Variants in RPS6KC1 observed in about 807,000 individuals in gnomAD.
The protein encoded by RPS6KC1 is ribosomal protein S6 kinase C1.
RPS6KC1 carries 54 observed loss-of-function variants against 103.8 expected under a neutral mutation model. The observed-to-expected ratio is 0.52, with a 90% CI of 0.42 to 0.65. RPS6KC1 has a LOEUF of 0.65. RPS6KC1 is among the 30% of genes least tolerant of loss of function. RPS6KC1 has a pLI of 0.00. For missense variants in RPS6KC1, 1,151 were observed against 1,253.8 expected, an observed-to-expected ratio of 0.92 and a Z score of 1.24; for synonymous variants, 439 against 438.7, an observed-to-expected ratio of 1.00 and a Z score of -0.01.
At chr1:213,282,566 C>T in the RPS6KC1 span, among the ~76,000 whole-genome samples, 136 of 152,308 alleles carry the variant, frequency 8.9e-4, no homozygotes, top group African/African-American at 3.0e-3. Flanking sequence ...TCAGCTCTTC[C>T]GTTTCTTCTG....
At chr1:213,758,326 C>T in the RPS6KC1 span, among the ~76,000 whole-genome samples, 4 of 151,994 alleles carry the variant, frequency 2.6e-5, no homozygotes, top group East Asian at 7.7e-4. Flanking sequence ...ACCTGTAATC[C>T]CAGCACTTTG....
the RPS6KC1 span, among the ~76,000 whole-genome samples, chr1:213,816,300 C>T: frequency 6.6e-6 from 1 of 152,176 alleles, no homozygotes; most frequent in Admixed American, 6.5e-5. Context: ...GCAGAGTTGC[C>T]ATAAATCTTC....
chr1:213,142,492 C>G (rs192373226), intron 6 of RPS6KC1, among the ~76,000 whole-genome samples: 1 of 152,182 alleles, frequency 6.6e-6, no homozygotes, highest in South Asian at 2.1e-4. Flanking sequence ...GTGGGCTGAT[C>G]TTCCTTTAAC....
Position 213,274,515 on chromosome 1 carries a change from A to G in RPS6KC1, c.*1881A>G, listed in dbSNP as rs747262476. The G allele has an allele frequency of 2.6e-5, 4 of 152,060 alleles. No homozygotes were observed. In the East Asian group the frequency reaches 5.8e-4, roughly 22 times the overall value. 9.4% of individuals were successfully genotyped at this position (152,060 alleles called of 1,614,324 possible). A position where few individuals can be genotyped will look rare whatever the true frequency, so the allele number is the denominator to read the frequency against. ...CTTCAGTTTCTCCCCTTTTCTCTCT[A>G]TATGTTTGGTTGGAGCTTGTGCCTA... On this transcript the variant is annotated 3_prime_UTR_variant, in exon 15 of 15. Transcript: ENST00000366960.
the RPS6KC1 span, among the ~76,000 whole-genome samples, chr1:213,575,633 A>G: frequency 6.6e-6 from 1 of 152,206 alleles, no homozygotes; most frequent in Non-Finnish European, 1.5e-5. Context: ...CTCCCTAGCC[A>G]TGCTGAACTG....
chr1:213,338,755 A>G, the RPS6KC1 span, among the ~76,000 whole-genome samples: 4 of 148,192 alleles, frequency 2.7e-5, no homozygotes, highest in African/African-American at 1.0e-4. Context: ...GTTCTGGTCT[A>G]GAAGTCTTGC....
In RPS6KC1 at chr1:213,201,817, A is replaced by G. The variant is rs144315505; in HGVS notation, c.1044+25325A>G. On this transcript the variant is annotated intron_variant, in intron 8 of 14. Coordinates refer to ENST00000366960, the MANE Select transcript of RPS6KC1 (RefSeq NM_012424.6). ...TGGTGAAAGGCATGTGGTACCTTCA[A>G]TAGTGTGCCTTCATCTAAAATTGTG... Among the ~76,000 whole-genome samples, 276 of 152,358 alleles carry G rather than the reference A, an allele frequency of 1.8e-3. 2 individuals are homozygous for G. The highest frequency in any genetic ancestry group is 6.1e-3 in the African/African-American group (253 of 41,598).
chr1:213,683,867 G>A, the RPS6KC1 span, among the ~76,000 whole-genome samples: 1 of 152,106 alleles, frequency 6.6e-6, no homozygotes, highest in Non-Finnish European at 1.5e-5. Flanking sequence ...CCCTGGGAAA[G>A]CTGGCTCTGC....
chr1:213,516,072 A>G, the RPS6KC1 span, among the ~76,000 whole-genome samples: 1 of 152,200 alleles, frequency 6.6e-6, no homozygotes, highest in African/African-American at 2.4e-5. Context: ...ATTTTTGCAC[A>G]TTGATTTTTT....
At chr1:213,716,465 C>T in the RPS6KC1 span, among the ~76,000 whole-genome samples, 1 of 152,166 alleles carries the variant, frequency 6.6e-6, no homozygotes, top group East Asian at 1.9e-4. Flanking sequence ...AGACAATCTC[C>T]TTCAACAATC....
At chr1:213,107,100 C>T (rs1183047317) in intron 4 of RPS6KC1, among the ~76,000 whole-genome samples, 1 of 152,082 alleles carries the variant, frequency 6.6e-6, no homozygotes, top group African/African-American at 2.4e-5. Context: ...TGCCACCACA[C>T]CTGGCAAATT....
the RPS6KC1 span, among the ~76,000 whole-genome samples, chr1:213,673,719 A>C: frequency 1.3e-5 from 2 of 152,222 alleles, no homozygotes; most frequent in Non-Finnish European, 2.9e-5. Context: ...TCTCCCTCTT[A>C]AGCCTATAGC....
the RPS6KC1 span, among the ~76,000 whole-genome samples, chr1:213,763,655 A>G: frequency 2.6e-5 from 4 of 152,218 alleles, no homozygotes; most frequent in African/African-American, 9.6e-5. Context: ...AACACCACAA[A>G]AAACTTCTGG....
the RPS6KC1 span, among the ~76,000 whole-genome samples, chr1:213,435,904 T>TC: frequency 6.6e-6 from 1 of 151,372 alleles, no homozygotes; most frequent in Non-Finnish European, 1.5e-5. Flanking sequence ...TTCCTTGGAG[T>TC]CTGAATTCCA....
chr1:213,572,998 G>A, the RPS6KC1 span, among the ~76,000 whole-genome samples: 2 of 151,982 alleles, frequency 1.3e-5, no homozygotes, highest in African/African-American at 2.4e-5. Flanking sequence ...TGGCAGCTGT[G>A]AGGAAAAACA....
chr1:213,133,041 C>T (rs2085830985), intron 6 of RPS6KC1, among the ~76,000 whole-genome samples: 1 of 152,160 alleles, frequency 6.6e-6, no homozygotes, highest in African/African-American at 2.4e-5. Context: ...TAAGTATACC[C>T]TGATAGTGGT....
the RPS6KC1 span, among the ~76,000 whole-genome samples, chr1:213,425,427 T>G: frequency 1.3e-5 from 2 of 152,282 alleles, no homozygotes; most frequent in East Asian, 1.9e-4. Flanking sequence ...AAAAGAGAGA[T>G]ACAATAATCT....
chr1:213,551,732 A>T, the RPS6KC1 span, among the ~76,000 whole-genome samples: 2 of 151,988 alleles, frequency 1.3e-5, no homozygotes, highest in Admixed American at 6.6e-5. Flanking sequence ...TCCATCGTTT[A>T]CGCCGGGGTT....
At chr1:213,313,369 T>C in the RPS6KC1 span, among the ~76,000 whole-genome samples, 1 of 151,460 alleles carries the variant, frequency 6.6e-6, no homozygotes, top group Non-Finnish European at 1.5e-5. Context: ...CCCCTAATAA[T>C]ACAGAAGAAT....
Sources: allele counts gnomAD v4.1 joint callset (sites outside exome capture counted in the v4.1 genomes callset), GRCh38; gene constraint gnomAD v4.1.1; transcripts MANE v1.5; gene names NCBI Gene and HGNC (gene_info 2026-07-23, HGNC 2026-07-21).